Variants in ITIH1 observed in about 807,000 individuals in gnomAD.
ITIH1 encodes inter-alpha-trypsin inhibitor heavy chain H1.
ITIH1 carries 94 observed loss-of-function variants against 104.6 expected under a neutral mutation model. The ratio of observed to expected loss-of-function variants is 0.90; its 90% CI spans 0.76 to 1.07. The LOEUF (loss-of-function observed/expected upper bound fraction) is 1.07. Ranked by LOEUF, ITIH1 falls within the 50% of genes least tolerant of loss-of-function variation. The pLI, the probability that ITIH1 is intolerant of heterozygous loss-of-function variation, is 0.00. For synonymous variants in ITIH1, 455 were observed against 464.4 expected, an observed-to-expected ratio of 0.98 and a Z score of 0.26; for missense variants, 1,193 against 1,181.4, an observed-to-expected ratio of 1.01 and a Z score of -0.14.
intron 3 of ITIH1, 56 bp from the exon 4 acceptor site, chr3:52,778,885 AG>A: frequency 2.3e-6 from 3 of 1,316,120 alleles, no homozygotes; most frequent in Non-Finnish European, 3.3e-6. Flanking sequence ...AGGCCCTCTC[AG>A]GACCTGTGTG....
At position 52,787,100 on chromosome 3, in the gene ITIH1, G is replaced by A; in HGVS notation, c.1888+1G>A. 1 of 1,614,234 alleles carries A rather than the reference G, an allele frequency of 6.2e-7. No homozygotes were observed. The highest frequency in any genetic ancestry group is 1.1e-5 in the South Asian group (1 of 91,082). On this transcript the variant is annotated splice_donor_variant, in intron 14 of 21. Coordinates refer to ENST00000273283, the MANE Select transcript of ITIH1 (RefSeq NM_002215.4). LOFTEE classifies it high-confidence loss of function. ...CCCACCATCGACAAGCCCTCAGAGG[G>A]TATAGGCTGCAGGGGTCTACAGAAG...
At chr3:52,778,649 G>C (rs1227347686) in intron 3 of ITIH1, 143 bp downstream of exon 3, 1 of 1,472,138 alleles carries the variant, frequency 6.8e-7, no homozygotes, top group Admixed American at 2.5e-5. Flanking sequence ...GCTTTGAGGG[G>C]AGGAAGAAGC....
chr3:52,783,939 T>G (rs1023052327), intron 10 of ITIH1, among the ~76,000 whole-genome samples: 1 of 151,850 alleles, frequency 6.6e-6, no homozygotes, highest in African/African-American at 2.4e-5. Flanking sequence ...AAAAAGGGTG[T>G]GTGCACTGGC....
chr3:52,783,636 A>G (rs1428971584), intron 10 of ITIH1, among the ~76,000 whole-genome samples: 1 of 152,142 alleles, frequency 6.6e-6, no homozygotes, highest in Non-Finnish European at 1.5e-5. Flanking sequence ...TGAACTATTT[A>G]TTTATCACCT....
At position 52,779,534 on chromosome 3, in the gene ITIH1, C is replaced by A; in HGVS notation, c.513C>A (p.Asn171Lys). ...QLTYEEVLKR[N>K]HMQYEIVIKV... ...CTTATGAGGAAGTGCTGAAGAGAAA[C>A]CATATGCAGTATGAAATTGTCATCA... Residue 171 changes from asparagine (N) to lysine (K), a missense_variant, in exon 5 of 22, where the codon AAC becomes AAA. Transcript: ENST00000273283. The surrounding 1 kb of genome is among the most constrained non-coding windows in gnomAD (Gnocchi z 4.4). 1 of 1,614,214 alleles carries A rather than the reference C, an allele frequency of 6.2e-7. No individual in the cohort carries two copies. The highest frequency in any genetic ancestry group is 1.1e-5 in the South Asian group (1 of 91,086).
Position 52,788,019 on chromosome 3 carries a change from C to A in ITIH1, c.1958C>A (p.Thr653Asn). ...CTGTCAGCCTTGCAGCCTTCTCCTACTCATTCCAGCTCCAATACCCAGCGG... is the reference window on the plus strand; with the variant it reads ...CTGTCAGCCTTGCAGCCTTCTCCTAATCATTCCAGCTCCAATACCCAGCGG... ...FVLSALQPSP[T>N]HSSSNTQRLP... The change falls in exon 17 of 22, where the codon ACT becomes AAT. Residue 653 changes from threonine to asparagine, a missense_variant. Physicochemically the swap from Thr to Asn is moderately conservative, Grantham distance 65. Coordinates refer to ENST00000273283, the MANE Select transcript of ITIH1 (RefSeq NM_002215.4). 6.2e-7 allele frequency: 1 copy of A among 1,613,314 alleles called. No homozygotes were observed.
At position 52,783,137 on chromosome 3, in the gene ITIH1, G is replaced by A; in HGVS notation, c.1099+12G>A. Reference sequence around the variant, plus strand: ...TTCCCTGGATGAGGGTAAGGGTGGGGGTCTCAGGCAACCTTGATGTCACCT... The same window carrying A: ...TTCCCTGGATGAGGGTAAGGGTGGGAGTCTCAGGCAACCTTGATGTCACCT... On this transcript the variant is annotated intron_variant, in intron 9 of 21. Transcript: ENST00000273283. The A allele has an allele frequency of 7.3e-7, 1 of 1,368,352 alleles. No individual in the cohort carries two copies. Among genetic ancestry groups the A allele is most frequent in the Non-Finnish European group, 1.0e-6 (1 of 974,918 alleles). 84.8% of individuals were successfully genotyped at this position (1,368,352 alleles called of 1,614,324 possible). A position where few individuals can be genotyped will look rare whatever the true frequency, so the allele number is the denominator to read the frequency against.
At chr3:52,791,452 T>A (rs1699353377) in intron 20 of ITIH1, 65 bp from the exon 21 acceptor site, 1 of 1,348,330 alleles carries the variant, frequency 7.4e-7, no homozygotes, top group South Asian at 1.2e-5. Flanking sequence ...AGTGAGCACC[T>A]GCTGAGTGCA....
chr3:52,789,164 G>A (rs1040961287), intron 18 of ITIH1, among the ~76,000 whole-genome samples: 1 of 40,238 alleles, frequency 2.5e-5, no homozygotes, highest in African/African-American at 1.0e-4. Context: ...AGATAGTCCC[G>A]CTTTCATAGA....
rs769135720 is a variant in ITIH1, at chr3:52,787,580, T to G, written c.1904-12T>G. On this transcript the variant is annotated splice_polypyrimidine_tract_variant and intron_variant, in intron 15 of 21. Transcript: ENST00000273283. ...GACACTGTCTTCGATAATATGTCCT[T>G]GTCTTCTACAGAGATGCTGGGACCC... 6 of 1,614,170 alleles carry G rather than the reference T, an allele frequency of 3.7e-6. No individual in the cohort carries two copies. The South Asian group carries it at 6.6e-5, about 18-fold the overall frequency.
intron 10 of ITIH1, among the ~76,000 whole-genome samples, chr3:52,783,574 G>C (rs758651028): frequency 3.3e-5 from 5 of 152,204 alleles, no homozygotes; most frequent in Admixed American, 6.5e-5. Context: ...ACACAGGTCT[G>C]TATGAGTCCC....
rs1698992793 is a variant in ITIH1 at position 52,779,895 on chromosome 3, A to G, written c.573+301A>G. The G allele has an allele frequency of 2.2e-6, 3 of 1,383,372 alleles. No individual in the cohort carries two copies. The highest frequency in any genetic ancestry group is 2.8e-5 in the East Asian group (1 of 35,184). The allele number at this position is 1,383,372 out of a possible 1,614,324, so 85.7% of individuals were successfully genotyped here. On this transcript the variant is annotated intron_variant, in intron 5 of 21. Transcript: ENST00000273283. This position sits in a 1 kb window ranked among gnomAD's most constrained non-coding sequence, Gnocchi z 4.4. ...ATGTCCAGGTAATTTTGTAAACTAG[A>G]AAGTCCCGCGCAGCCTGAGGGCCTG... is the stretch of plus-strand genomic sequence containing the variant.
Position 52,791,843 on chromosome 3 carries a change from A to G in ITIH1, c.2668A>G (p.Ile890Val). The change falls in exon 22 of 22, where the codon ATT (isoleucine) becomes GTT (valine). Residue 890 changes from isoleucine to valine, a missense_variant. Coordinates refer to ENST00000273283, the MANE Select transcript of ITIH1 (RefSeq NM_002215.4). ...WHGAEVSCWF[I>V]HNNGAGLIDG... ...TGGGGCCGAGGTGTCCTGCTGGTTC[A>G]TTCACAACAATGGGGCTGGACTCAT... 6.2e-7 allele frequency: 1 copy of G among 1,614,200 alleles called. No homozygotes were observed. Among genetic ancestry groups the G allele is most frequent in the Non-Finnish European group, 8.5e-7 (1 of 1,180,028 alleles).
intron 6 of ITIH1, 26 bp downstream of exon 6, chr3:52,780,408 G>T: frequency 6.5e-7 from 1 of 1,539,716 alleles, no homozygotes; most frequent in South Asian, 1.1e-5. Flanking sequence ...AGGGGGTGGT[G>T]GTGGGCCCTT....
At chr3:52,787,288 C>A (rs1043689061) in intron 15 of ITIH1, 86 bp downstream of exon 15, 9 of 1,552,876 alleles carry the variant, frequency 5.8e-6, no homozygotes, top group Non-Finnish European at 8.0e-6. Context: ...TCGCAGCTCC[C>A]CATCCCCATT....
Position 52,791,430 on chromosome 3 carries a change from C to T in ITIH1, c.2495-87C>T, listed in dbSNP as rs574528506. 49 of 1,084,482 alleles carry T rather than the reference C, an allele frequency of 4.5e-5. No homozygotes were observed. In the East Asian group the frequency reaches 1.1e-3, roughly 25 times the overall value. 67.2% of individuals were successfully genotyped at this position (1,084,482 alleles called of 1,614,324 possible). ...CTGGAAAAAAAGCGGTCCAGCAATG[C>T]TCTAACCCCGCAGTGAGCACCTGCT... is the stretch of plus-strand genomic sequence containing the variant. On this transcript the variant is annotated intron_variant, in intron 20 of 21. Transcript: ENST00000273283.
Position 52,779,327 on chromosome 3 carries a change from A to G in ITIH1, c.411-105A>G. On this transcript the variant is annotated intron_variant, in intron 4 of 21. Transcript: ENST00000273283. The surrounding 1 kb of genome is among the most constrained non-coding windows in gnomAD (Gnocchi z 4.4). ...AGGTCCAGGGAAACCTGGGAGCAAC[A>G]CTCATCTAAGAGAAATAAATTCTGT... 1 of 1,257,100 alleles carries G rather than the reference A, an allele frequency of 8.0e-7. No homozygotes were observed. Among genetic ancestry groups the G allele is most frequent in the Non-Finnish European group, 1.1e-6 (1 of 870,006 alleles). 77.9% of individuals were successfully genotyped at this position (1,257,100 alleles called of 1,614,324 possible).
At chr3:52,789,555 G>A in intron 18 of ITIH1, 98 bp from the exon 19 acceptor site, 2 of 1,049,700 alleles carry the variant, frequency 1.9e-6, no homozygotes, top group Non-Finnish European at 2.9e-6. Context: ...GAGTGGCACA[G>A]GCAGGGCGTA....
At position 52,791,923 on chromosome 3, in the gene ITIH1, A is replaced by G. The variant is rs1481612592; in HGVS notation, c.*12A>G. On this transcript the variant is annotated 3_prime_UTR_variant, in exon 22 of 22. Coordinates refer to ENST00000273283, the MANE Select transcript of ITIH1 (RefSeq NM_002215.4). ...CCGACATCTTCTGAGCCCTCTGGCC[A>G]GCACGCCTGTCCTCCCCCGGGGCCA... is the stretch of plus-strand genomic sequence containing the variant. The G allele has an allele frequency of 2.5e-6, 4 of 1,606,586 alleles. No individual in the cohort carries two copies. Among genetic ancestry groups the G allele is most frequent in the Non-Finnish European group, 2.6e-6 (3 of 1,175,568 alleles).
Sources: allele counts gnomAD v4.1 joint callset (sites outside exome capture counted in the v4.1 genomes callset), GRCh38; gene constraint gnomAD v4.1.1; non-coding constraint Gnocchi (gnomAD v3.1); transcripts MANE v1.5; gene names NCBI Gene and HGNC (gene_info 2026-07-23, HGNC 2026-07-21).